The following DGKB variants were observed in gnomAD, a reference collection of about 807,000 sequenced individuals.
The protein encoded by DGKB is 90 kDa diacylglycerol kinase.
A neutral mutation model predicts 114.3 loss-of-function variants in DGKB; 67 were observed. That is an observed-to-expected ratio of 0.59 (90% CI 0.48 to 0.72). The LOEUF is 0.72. Among genes scored for constraint, DGKB ranks in the 30% least tolerant of loss-of-function variants. The pLI, the probability that DGKB is intolerant of heterozygous loss-of-function variation, is 0.00. For missense variants in DGKB, 907 were observed against 975.2 expected, an observed-to-expected ratio of 0.93 and a Z score of 0.93; for synonymous variants, 398 against 323.1, an observed-to-expected ratio of 1.23 and a Z score of -2.49.
chr7:14,279,231 AC>A (rs368262069), intron 23 of DGKB, among the ~76,000 whole-genome samples: 18,417 of 151,946 alleles, frequency 0.12, 3,203 homozygotes, highest in African/African-American at 0.38. Context: ...GGAGGGTCCT[AC>A]CCCCACGGAG....
chr7:14,262,441 G>A (rs2128415261), intron 23 of DGKB, among the ~76,000 whole-genome samples: 1 of 152,288 alleles, frequency 6.6e-6, no homozygotes, highest in South Asian at 2.1e-4. Flanking sequence ...AAAAGAAGCT[G>A]TGTCTGAGTG....
At chr7:14,637,888 A>C (rs553610828) in intron 13 of DGKB, among the ~76,000 whole-genome samples, 2 of 152,030 alleles carry the variant, frequency 1.3e-5, no homozygotes, top group Non-Finnish European at 2.9e-5. Flanking sequence ...ACATTAACTA[A>C]GAGTAATTAC....
chr7:14,845,991 T>C (rs981962794), intron 1 of DGKB, among the ~76,000 whole-genome samples: 1 of 152,208 alleles, frequency 6.6e-6, no homozygotes, highest in African/African-American at 2.4e-5. Flanking sequence ...CAATTTACCA[T>C]AACAACACTT....
At chr7:14,774,957 T>C (rs1384350442) in intron 2 of DGKB, among the ~76,000 whole-genome samples, 1 of 152,138 alleles carries the variant, frequency 6.6e-6, no homozygotes. Context: ...GCATTTTTTA[T>C]GATTGTGTAA....
chr7:14,650,824 G>C (rs78116330), intron 13 of DGKB, among the ~76,000 whole-genome samples: 22 of 146,328 alleles, frequency 1.5e-4, no homozygotes, highest in African/African-American at 5.3e-4. Flanking sequence ...TATCACCACA[G>C]ATCCCACAGA....
At chr7:14,843,249 T>C (rs2128141613) in intron 1 of DGKB, among the ~76,000 whole-genome samples, 1 of 147,280 alleles carries the variant, frequency 6.8e-6, no homozygotes. Context: ...TGTATACATA[T>C]ACCAAGACAT....
At chr7:14,906,221 A>G (rs190197337), upstream of DGKB, among the ~76,000 whole-genome samples, 1 of 151,900 alleles carries the variant, frequency 6.6e-6, no homozygotes, top group Admixed American at 6.6e-5. Flanking sequence ...GCCTTAAAAA[A>G]AAAACAAAAA....
intron 2 of DGKB, among the ~76,000 whole-genome samples, chr7:14,840,805 C>T (rs1393552335): frequency 6.6e-6 from 1 of 151,382 alleles, no homozygotes; most frequent in East Asian, 1.9e-4. Flanking sequence ...TCAAGCACAG[C>T]ATTGCTTTTT....
intron 1 of DGKB, among the ~76,000 whole-genome samples, chr7:14,867,584 C>T (rs576138942): frequency 4.4e-4 from 67 of 152,080 alleles, no homozygotes; most frequent in African/African-American, 1.5e-3. Flanking sequence ...CTTTTTTCAA[C>T]CTCATTTGCT....
chr7:14,183,945 G>A (rs530910032), intron 23 of DGKB, among the ~76,000 whole-genome samples: 4 of 152,242 alleles, frequency 2.6e-5, no homozygotes, highest in African/African-American at 9.6e-5. Flanking sequence ...CGGAGCCTGG[G>A]AGACCCCCCA....
rs115586766 is a variant in DGKB, at chr7:14,484,176, A to C, written c.1771-5951T>G. Among the ~76,000 whole-genome samples, 353 of 152,282 alleles carry C rather than the reference A, an allele frequency of 2.3e-3. 3 individuals carry two copies. In the Middle Eastern group the frequency reaches 0.024, roughly 10 times the overall value. ...AGAATCTATAACTTAGCAAAAAGGCATAAGAGCACATTAGAATAGGCATAG... is the reference window on the plus strand; with the variant it reads ...AGAATCTATAACTTAGCAAAAAGGCCTAAGAGCACATTAGAATAGGCATAG... On this transcript the variant is annotated intron_variant, in intron 20 of 25. Coordinates refer to ENST00000402815, the MANE Select transcript of DGKB (RefSeq NM_001350709.2).
chr7:14,897,182 C>T (rs896223438), intron 1 of DGKB, among the ~76,000 whole-genome samples: 2 of 151,812 alleles, frequency 1.3e-5, no homozygotes, highest in African/African-American at 2.4e-5. Context: ...ATTTGGAAAG[C>T]CCTACGTGTT....
chr7:14,930,494 G>T (rs538917660), intron 1 of DGKB, among the ~76,000 whole-genome samples: 1 of 151,924 alleles, frequency 6.6e-6, no homozygotes, highest in African/African-American at 2.4e-5. Flanking sequence ...TTGCCTTTTT[G>T]AATTTGTTTT....
At chr7:14,535,426 G>A (rs1223681597) in intron 20 of DGKB, among the ~76,000 whole-genome samples, 2 of 148,244 alleles carry the variant, frequency 1.3e-5, no homozygotes, top group African/African-American at 5.0e-5. Context: ...AAAAGAAGAA[G>A]TATCTCAAAT....
chr7:14,648,084 G>A (rs1416763727), intron 13 of DGKB, among the ~76,000 whole-genome samples: 15 of 152,220 alleles, frequency 9.9e-5, no homozygotes, highest in Admixed American at 7.2e-4. Flanking sequence ...GCCCACCATT[G>A]CCCAGGCTTG....
intron 25 of DGKB, among the ~76,000 whole-genome samples, chr7:14,154,939 C>T (rs1229410785): frequency 6.6e-6 from 1 of 151,826 alleles, no homozygotes; most frequent in East Asian, 1.9e-4. Flanking sequence ...TTCTCCTGCA[C>T]TCTAGTGTTT....
intron 21 of DGKB, among the ~76,000 whole-genome samples, chr7:14,412,850 G>A (rs535820935): frequency 9.2e-5 from 14 of 152,004 alleles, no homozygotes; most frequent in South Asian, 4.2e-4. Flanking sequence ...GCGTGATGGT[G>A]CGTGCCTGTA....
intron 4 of DGKB, among the ~76,000 whole-genome samples, chr7:14,738,016 C>G (rs1832006878): frequency 6.6e-6 from 1 of 151,910 alleles, no homozygotes; most frequent in African/African-American, 2.4e-5. Flanking sequence ...TCCAAAAAAG[C>G]AATTTGCTAC....
intron 5 of DGKB, among the ~76,000 whole-genome samples, chr7:14,729,292 T>G (rs935056748): frequency 8.3e-5 from 11 of 131,782 alleles, no homozygotes; most frequent in African/African-American, 2.8e-4. Flanking sequence ...CCGGCTAATT[T>G]TTTGTATTTT....
Sources: allele counts gnomAD v4.1 joint callset (sites outside exome capture counted in the v4.1 genomes callset), GRCh38; gene constraint gnomAD v4.1.1; transcripts MANE v1.5; gene names NCBI Gene and HGNC (gene_info 2026-07-23, HGNC 2026-07-21).